USP13: variants seen among roughly 807,000 people sequenced by gnomAD.
USP13 encodes ubiquitin carboxyl-terminal hydrolase 13.
In USP13, 68 loss-of-function variants were observed where a neutral mutation model predicts 107.8. That is an observed-to-expected ratio of 0.63 (90% CI 0.52 to 0.77). The LOEUF (loss-of-function observed/expected upper bound fraction) is 0.77, where lower values mean the gene tolerates loss of function less well. USP13 is among the 30% of genes least tolerant of loss of function. USP13 has a pLI of 0.00. For synonymous variants in USP13, 377 were observed against 389.5 expected, an observed-to-expected ratio of 0.97 and a Z score of 0.38; for missense variants, 945 against 1,093.3, an observed-to-expected ratio of 0.86 and a Z score of 1.91.
chr3:179,686,519 TAC>T (rs1711879578), intron 2 of USP13, among the ~76,000 whole-genome samples: 1 of 152,234 alleles, frequency 6.6e-6, no homozygotes, highest in Non-Finnish European at 1.5e-5. Context: ...AATTTCAGGT[TAC>T]AGAGTGAGCT....
chr3:179,693,743 G>A (rs964888004), intron 3 of USP13, among the ~76,000 whole-genome samples: 10 of 151,804 alleles, frequency 6.6e-5, no homozygotes, highest in African/African-American at 2.4e-4. Context: ...GTGTGATGTC[G>A]GCTCACTGCA....
rs200374989 is a variant in USP13 at position 179,655,566 on chromosome 3, TG to T, written c.168+2174del. On this transcript the variant is annotated intron_variant, in intron 1 of 20. Transcript: ENST00000263966. ...TGGGAAGGTTTTTTTTGTTTTGTTT[TG>T]TTTTTTTTTTGAGTTTTGCTCTTGT... Among the ~76,000 whole-genome samples the T allele has an allele frequency of 9.4e-4, 131 of 138,708 alleles. 1 individual carries two copies. The highest frequency in any genetic ancestry group is 1.3e-3 in the Non-Finnish European group (86 of 64,112). 91.0% of individuals were successfully genotyped at this position (138,708 alleles called of 152,430 possible). A position where few individuals can be genotyped will look rare whatever the true frequency, so the allele number is the denominator to read the frequency against.
chr3:179,689,550 C>T (rs1012764232), intron 2 of USP13, among the ~76,000 whole-genome samples: 28 of 151,646 alleles, frequency 1.8e-4, no homozygotes, highest in Non-Finnish European at 3.5e-4. Context: ...CTCAGCTACT[C>T]GGGAGGTTGA....
At chr3:179,729,811 CT>C (rs1200117421) in intron 8 of USP13, among the ~76,000 whole-genome samples, 1 of 152,188 alleles carries the variant, frequency 6.6e-6, no homozygotes, top group African/African-American at 2.4e-5. Context: ...ATTGTGATGG[CT>C]TAGCCAGTGG....
At chr3:179,717,365 T>G (rs1713145643) in intron 6 of USP13, among the ~76,000 whole-genome samples, 1 of 152,226 alleles carries the variant, frequency 6.6e-6, no homozygotes, top group African/African-American at 2.4e-5. Context: ...AAACACTTTT[T>G]GTCTTGGGGA....
At chr3:179,681,532 C>T (rs1184010078) in intron 1 of USP13, among the ~76,000 whole-genome samples, 2 of 152,146 alleles carry the variant, frequency 1.3e-5, no homozygotes, top group Non-Finnish European at 2.9e-5. Context: ...TTTTGGGTGC[C>T]ATCCACCGAG....
intron 10 of USP13, among the ~76,000 whole-genome samples, chr3:179,735,276 G>A (rs1264365615): frequency 6.6e-6 from 1 of 152,208 alleles, no homozygotes; most frequent in African/African-American, 2.4e-5. Flanking sequence ...ATCTTGTGAG[G>A]TGTTGGGCCC....
chr3:179,668,125 A>C (rs1720639349), intron 1 of USP13, among the ~76,000 whole-genome samples: 1 of 152,194 alleles, frequency 6.6e-6, no homozygotes, highest in Non-Finnish European at 1.5e-5. Flanking sequence ...AGTCAGAGCA[A>C]GCTGGAGGAA....
rs527493036 is a variant in USP13, at chr3:179,729,619, G to A, written c.1089-570G>A. Among the ~76,000 whole-genome samples the A allele has an allele frequency of 2.0e-5, 3 of 152,246 alleles. No homozygotes were observed. In the East Asian group the frequency reaches 5.8e-4, roughly 29 times the overall value. ...CCCAAGTAGCTGGGATTCCAGGCAC[G>A]TGCCACTGCACCTGGCTATTTTTTG... On this transcript the variant is annotated intron_variant, in intron 8 of 20. Transcript: ENST00000263966.
chr3:179,697,172 T>A (rs577714397), intron 3 of USP13, among the ~76,000 whole-genome samples: 1 of 152,176 alleles, frequency 6.6e-6, no homozygotes, highest in African/African-American at 2.4e-5. Flanking sequence ...AAGGAATAGA[T>A]TGAAAACAGA....
intron 1 of USP13, 116 bp from the exon 2 acceptor site, chr3:179,681,762 G>A: frequency 7.5e-7 from 1 of 1,338,386 alleles, no homozygotes; most frequent in East Asian, 2.4e-5. Context: ...CAGGAGCCTC[G>A]GTGGCCCTTT....
At chr3:179,723,314 C>A (rs970149720) in intron 8 of USP13, among the ~76,000 whole-genome samples, 2 of 152,072 alleles carry the variant, frequency 1.3e-5, no homozygotes, top group Non-Finnish European at 2.9e-5. Context: ...ATTTTTTCAT[C>A]CAGCCAATAG....
intron 19 of USP13, among the ~76,000 whole-genome samples, 155 bp downstream of exon 19, chr3:179,766,003 C>CA (rs1417551078): frequency 1.4e-5 from 2 of 148,010 alleles, no homozygotes; most frequent in Non-Finnish European, 3.0e-5. Context: ...TTTTTTGAGA[C>CA]AGAGTCTCAC....
intron 6 of USP13, among the ~76,000 whole-genome samples, chr3:179,718,868 T>C (rs1713200817): frequency 6.6e-6 from 1 of 152,078 alleles, no homozygotes. Context: ...GCCATTCTCC[T>C]GCCTCAGCCT....
Position 179,754,719 on chromosome 3 carries a change from T to C in USP13, c.1799-13T>C. ...TGGAGAGCCCAGTGGATATAATCTC[T>C]CTCATTTTGCAGATGTTTCTATTGA... is the stretch of plus-strand genomic sequence containing the variant. On this transcript the variant is annotated splice_polypyrimidine_tract_variant and intron_variant, in intron 14 of 20. Coordinates refer to ENST00000263966, the MANE Select transcript of USP13 (RefSeq NM_003940.3). 1 of 1,611,354 alleles carries C rather than the reference T, an allele frequency of 6.2e-7. No homozygotes were observed. The highest frequency in any genetic ancestry group is 8.5e-7 in the Non-Finnish European group (1 of 1,178,850).
At chr3:179,694,817 A>G (rs1712235291) in intron 3 of USP13, among the ~76,000 whole-genome samples, 1 of 151,496 alleles carries the variant, frequency 6.6e-6, no homozygotes, top group Admixed American at 6.6e-5. Flanking sequence ...AAAAAAAAAA[A>G]AAAAAAGAAA....
chr3:179,782,888 G>C (rs1715794670), intron 20 of USP13, among the ~76,000 whole-genome samples: 1 of 152,262 alleles, frequency 6.6e-6, no homozygotes, highest in Non-Finnish European at 1.5e-5. Flanking sequence ...TGGGATTACA[G>C]GCATGTGCTA....
chr3:179,653,245 T>C lies in USP13; in HGVS notation c.20T>C (p.Leu7Pro). The change falls in exon 1 of 21, where the codon CTG (leucine) becomes CCG (proline). Residue 7 changes from leucine (L) to proline (P), a missense_variant. Physicochemically the swap from Leu to Pro is moderately conservative, Grantham distance 98. Transcript: ENST00000263966. The surrounding 1 kb of genome is among the most constrained non-coding windows in gnomAD (Gnocchi z 4.0). ...GAGGCCATGCAGCGCCGGGGCGCCC[T>C]GTTCGGCATGCCGGGCGGCAGCGGA... The part of the protein sequence containing the change: MQRRGA[L>P]FGMPGGSGGR... 1 of 1,552,950 alleles carries C rather than the reference T, an allele frequency of 6.4e-7. No individual in the cohort carries two copies.
intron 10 of USP13, among the ~76,000 whole-genome samples, chr3:179,732,913 T>C (rs1218288527): frequency 6.6e-6 from 1 of 152,176 alleles, no homozygotes; most frequent in East Asian, 1.9e-4. Context: ...CTGCTCTGGA[T>C]CAAGGTATGT....
Sources: gnomAD v4.1 joint callset for allele counts (sites outside exome capture counted in the v4.1 genomes callset) on GRCh38, gnomAD v4.1.1 for gene constraint, Gnocchi (gnomAD v3.1) non-coding constraint, MANE v1.5 for transcripts, NCBI Gene and HGNC (gene_info 2026-07-23, HGNC 2026-07-21) for gene names.